BABAM2: variants seen among roughly 807,000 people sequenced by gnomAD.
BABAM2 encodes BRISC and BRCA1-A complex member 2.
A neutral mutation model predicts 54.7 loss-of-function variants in BABAM2; 31 were observed. The observed-to-expected ratio is 0.57, with a 90% CI of 0.43 to 0.77. The LOEUF is 0.77. BABAM2 is among the 30% of genes least tolerant of loss of function. The probability of loss-of-function intolerance (pLI) is 0.00; values close to 1 mark genes in which losing one functional copy is unlikely to be tolerated. For synonymous variants in BABAM2, 167 were observed against 162.9 expected (o/e 1.03, Z -0.19); for missense variants, 364 against 455.8 (o/e 0.80, Z 1.83).
At chr2:28,136,509 T>A (rs1034056500) in intron 7 of BABAM2, among the ~76,000 whole-genome samples, 1 of 152,256 alleles carries the variant, frequency 6.6e-6, no homozygotes, top group Non-Finnish European at 1.5e-5. Context: ...TGACACTATG[T>A]GCATGTTAAG....
chr2:28,225,895 G>C (rs1475557124), intron 7 of BABAM2, among the ~76,000 whole-genome samples: 1 of 151,982 alleles, frequency 6.6e-6, no homozygotes, highest in Non-Finnish European at 1.5e-5. Flanking sequence ...GGTGGGGTTT[G>C]CCTATATTTC....
At chr2:28,077,503 T>C (rs1309189555) in intron 6 of BABAM2, among the ~76,000 whole-genome samples, 2 of 152,190 alleles carry the variant, frequency 1.3e-5, no homozygotes, top group Non-Finnish European at 2.9e-5. Context: ...CTTCTAAGGA[T>C]AAAGGCTGTT....
intron 6 of BABAM2, among the ~76,000 whole-genome samples, chr2:28,079,286 C>T (rs528484759): frequency 1.3e-5 from 2 of 152,148 alleles, no homozygotes; most frequent in South Asian, 4.2e-4. Context: ...TGTTATGTTT[C>T]TTTATCTGCA....
intron 10 of BABAM2, among the ~76,000 whole-genome samples, chr2:28,290,276 T>G (rs1038461237): frequency 2.0e-5 from 3 of 152,218 alleles, no homozygotes; most frequent in Non-Finnish European, 4.4e-5. Context: ...TTATCACAAG[T>G]GGGGCTACTT....
chr2:28,198,035 C>T (rs1677802186), intron 7 of BABAM2, among the ~76,000 whole-genome samples: 1 of 152,108 alleles, frequency 6.6e-6, no homozygotes, highest in African/African-American at 2.4e-5. Flanking sequence ...CAATAGCCTC[C>T]ATGTAAGGAT....
At chr2:28,099,849 T>C (rs1294301713) in intron 6 of BABAM2, among the ~76,000 whole-genome samples, 1 of 152,162 alleles carries the variant, frequency 6.6e-6, no homozygotes, top group East Asian at 1.9e-4. Context: ...GATACCTCTC[T>C]TTTATCCTCT....
intron 7 of BABAM2, among the ~76,000 whole-genome samples, chr2:28,158,687 A>G (rs146281600): frequency 4.3e-4 from 65 of 152,360 alleles, no homozygotes; most frequent in African/African-American, 1.5e-3. Context: ...TAATAAGGCT[A>G]TGTAATATAG....
intron 6 of BABAM2, among the ~76,000 whole-genome samples, chr2:28,084,290 G>A (rs1665447875): frequency 6.6e-6 from 1 of 152,142 alleles, no homozygotes. Context: ...AATCATAGCT[G>A]GCCTTGGAAG....
intron 10 of BABAM2, among the ~76,000 whole-genome samples, chr2:28,286,503 C>G (rs533048861): frequency 6.6e-6 from 1 of 152,156 alleles, no homozygotes; most frequent in Non-Finnish European, 1.5e-5. Context: ...GCCTGTATTC[C>G]GTCTACCCAG....
intron 3 of BABAM2, among the ~76,000 whole-genome samples, chr2:27,978,986 G>T (rs1671803082): frequency 6.6e-6 from 1 of 151,618 alleles, no homozygotes; most frequent in Non-Finnish European, 1.5e-5. Flanking sequence ...CTTTTTTATG[G>T]CTGTGTAGTA....
At chr2:28,139,317 G>A (rs1280006336) in intron 7 of BABAM2, among the ~76,000 whole-genome samples, 49 of 76,600 alleles carry the variant, frequency 6.4e-4, no homozygotes, top group African/African-American at 2.8e-3. Flanking sequence ...GTGAAACTCC[G>A]TCTCAAAAAA....
chr2:28,199,648 G>A (rs1302437605), intron 7 of BABAM2, among the ~76,000 whole-genome samples: 3 of 152,172 alleles, frequency 2.0e-5, no homozygotes, highest in African/African-American at 4.8e-5. Context: ...TTCAGGAGTC[G>A]TGTTGACCCT....
intron 4 of BABAM2, among the ~76,000 whole-genome samples, chr2:27,991,565 C>T (rs1672775001): frequency 6.6e-6 from 1 of 152,166 alleles, no homozygotes; most frequent in African/African-American, 2.4e-5. Context: ...CCACCCTGAT[C>T]CACCACCACC....
intron 6 of BABAM2, among the ~76,000 whole-genome samples, chr2:28,069,909 C>G (rs149894907): frequency 5.6e-4 from 85 of 152,314 alleles, no homozygotes; most frequent in African/African-American, 2.0e-3. Context: ...GGGTCTCGCT[C>G]TGTTGCGCAG....
At chr2:28,065,916 G>A (rs1171131270) in intron 6 of BABAM2, among the ~76,000 whole-genome samples, 3 of 151,108 alleles carry the variant, frequency 2.0e-5, no homozygotes, top group Non-Finnish European at 4.4e-5. Context: ...CGAGGCAGGC[G>A]GATCACTTGT....
At chr2:28,315,421 T>TTTTCTTTTCTTTTCTTTTCTTTTCTTTTC (rs751782457) in intron 11 of BABAM2, among the ~76,000 whole-genome samples, 1 of 110,180 alleles carries the variant, frequency 9.1e-6, no homozygotes, top group African/African-American at 3.7e-5. Context: ...GTGTGGTTCT[T>TTTTCTTTTCTTTTCTTTTCTTTTCTTTTC]TTTTCTTTTC....
At chr2:28,256,097 T>C (rs1683949186) in intron 10 of BABAM2, among the ~76,000 whole-genome samples, 1 of 152,210 alleles carries the variant, frequency 6.6e-6, no homozygotes, top group Admixed American at 6.5e-5. Flanking sequence ...AAACTGATTA[T>C]GTGGAACCTG....
chr2:28,065,728 T>A (rs554485940), intron 6 of BABAM2, among the ~76,000 whole-genome samples: 1 of 152,354 alleles, frequency 6.6e-6, no homozygotes, highest in East Asian at 1.9e-4. Flanking sequence ...TTCTCTCCAT[T>A]TGCCCTGCCT....
At position 28,026,965 on chromosome 2, in the gene BABAM2, T is replaced by TATAA. The variant is rs1351968464; in HGVS notation, c.495+1548_495+1549insAATA. Among the ~76,000 whole-genome samples the TATAA allele has an allele frequency of 2.9e-4, 24 of 83,976 alleles. 2 individuals carry two copies. The highest frequency in any genetic ancestry group is 4.9e-4 in the East Asian group (1 of 2,026). 55.1% of individuals were successfully genotyped at this position (83,976 alleles called of 152,430 possible). On this transcript the variant is annotated intron_variant, in intron 5 of 11. Transcript: ENST00000379624. ...ATATATATTAATATATATAAATATA[T>TATAA]ATATAAATATATAAATATATATAAA...
Sources: allele counts gnomAD v4.1 joint callset (sites outside exome capture counted in the v4.1 genomes callset), GRCh38; gene constraint gnomAD v4.1.1; transcripts MANE v1.5; gene names NCBI Gene and HGNC (gene_info 2026-07-23, HGNC 2026-07-21).